SLC14A2: variants seen among roughly 807,000 people sequenced by gnomAD.
SLC14A2 encodes urea transporter 2.
Under a neutral mutation model 104.6 loss-of-function variants are expected in SLC14A2, and 91 were observed. That is an observed-to-expected ratio of 0.87 (90% CI 0.73 to 1.04). The LOEUF (loss-of-function observed/expected upper bound fraction) is 1.04. Ranked by LOEUF, SLC14A2 falls within the 50% of genes least tolerant of loss-of-function variation. The pLI is 0.00. For synonymous variants in SLC14A2, 476 were observed against 466.4 expected (o/e 1.02, Z -0.27); for missense variants, 1,189 against 1,156.0 (o/e 1.03, Z -0.41).
At chr18:45,179,938 G>A in the SLC14A2 span, 1 of 152,110 alleles carries the variant, frequency 6.6e-6, no homozygotes, top group African/African-American at 2.4e-5. Flanking sequence ...TTGAGCCCAG[G>A]AGTTCGAGGC....
chr18:45,266,281 T>C lies in SLC14A2; in HGVS notation c.-125+53090T>C, dbSNP rs566107500. Among the ~76,000 whole-genome samples, 124 of 152,284 alleles carry C rather than the reference T, an allele frequency of 8.1e-4. 1 individual carries two copies. The highest frequency in any genetic ancestry group is 3.4e-3 in the Middle Eastern group (1 of 294). On this transcript the variant is annotated intron_variant, in intron 1 of 20. Coordinates refer to the SLC14A2 transcript ENST00000586448. Reference sequence around the variant, plus strand: ...AGAGGAAGTGGGTATATTCCACCTGTGCTGGTGCATCTAATGACACTGAAT... The same window carrying C: ...AGAGGAAGTGGGTATATTCCACCTGCGCTGGTGCATCTAATGACACTGAAT...
At chr18:45,364,783 G>A (rs1275622094) in intron 1 of SLC14A2, among the ~76,000 whole-genome samples, 1 of 152,058 alleles carries the variant, frequency 6.6e-6, no homozygotes, top group Non-Finnish European at 1.5e-5. Context: ...ATATTGTCTC[G>A]AGTTTTTTCT....
At chr18:45,497,961 C>A (rs1795472835) in intron 2 of SLC14A2, among the ~76,000 whole-genome samples, 1 of 152,148 alleles carries the variant, frequency 6.6e-6, no homozygotes, top group Non-Finnish European at 1.5e-5. Flanking sequence ...AGGGGAAAGC[C>A]TTTAGACAAG....
rs2046327718 is a variant in SLC14A2, at chr18:45,682,596, T to C, written c.*77T>C. 2 of 1,207,280 alleles carry C rather than the reference T, an allele frequency of 1.7e-6. No homozygotes were observed. The highest frequency in any genetic ancestry group is 2.5e-6 in the Non-Finnish European group (2 of 812,100). The allele number at this position is 1,207,280 out of a possible 1,614,324, so 74.8% of individuals were successfully genotyped here. A position where few individuals can be genotyped will look rare whatever the true frequency, so the allele number is the denominator to read the frequency against. On this transcript the variant is annotated 3_prime_UTR_variant, in exon 20 of 20. Coordinates refer to ENST00000255226, the MANE Select transcript of SLC14A2 (RefSeq NM_007163.4). ...CAGATCCCCAGGATAAGAGACCACT[T>C]AGCCTTCCCTTTGGTCTGTTCTGTG...
chr18:45,529,820 G>C (rs1399929170), intron 2 of SLC14A2: 1 of 152,144 alleles, frequency 6.6e-6, no homozygotes, highest in African/African-American at 2.4e-5. Flanking sequence ...TCTTGTATGT[G>C]ACAGTTTAAA....
chr18:45,183,299 G>A, the SLC14A2 span, among the ~76,000 whole-genome samples: 1 of 152,122 alleles, frequency 6.6e-6, no homozygotes, highest in Non-Finnish European at 1.5e-5. Flanking sequence ...GGGGTAGGCC[G>A]CTCCCTCCTT....
intron 1 of SLC14A2, among the ~76,000 whole-genome samples, chr18:45,315,704 T>G (rs905442645): frequency 1.3e-5 from 2 of 152,146 alleles, no homozygotes; most frequent in African/African-American, 4.8e-5. Flanking sequence ...GGGAATGAGA[T>G]GAGATTCAAG....
At chr18:45,415,191 C>T (rs73433876) in intron 1 of SLC14A2, among the ~76,000 whole-genome samples, 203 of 152,114 alleles carry the variant, frequency 1.3e-3, no homozygotes, top group African/African-American at 4.6e-3. Context: ...TTGCTGGAAG[C>T]CCCCAAGTCT....
At chr18:45,551,766 G>A (rs748479061) in intron 2 of SLC14A2, among the ~76,000 whole-genome samples, 3 of 152,198 alleles carry the variant, frequency 2.0e-5, no homozygotes, top group Non-Finnish European at 4.4e-5. Context: ...GGCTACAAAT[G>A]TTGATACACT....
At chr18:45,369,605 G>T (rs1430372509) in intron 1 of SLC14A2, among the ~76,000 whole-genome samples, 1 of 152,152 alleles carries the variant, frequency 6.6e-6, no homozygotes, top group Non-Finnish European at 1.5e-5. Flanking sequence ...ATTCTATAGT[G>T]CTTTCATTTA....
intron 1 of SLC14A2, among the ~76,000 whole-genome samples, chr18:45,382,013 C>T (rs921345372): frequency 6.6e-6 from 1 of 152,168 alleles, no homozygotes; most frequent in Non-Finnish European, 1.5e-5. Flanking sequence ...AGCACCCTCC[C>T]CCTAACAGCT....
the SLC14A2 span, among the ~76,000 whole-genome samples, chr18:45,203,496 A>C: frequency 6.6e-6 from 1 of 152,106 alleles, no homozygotes; most frequent in East Asian, 1.9e-4. Context: ...GTTTCTTTTC[A>C]TCTCCCTTCC....
intron 2 of SLC14A2, among the ~76,000 whole-genome samples, chr18:45,513,532 T>G: frequency 1.3e-5 from 2 of 152,202 alleles, no homozygotes; most frequent in East Asian, 3.9e-4. Context: ...CTAAATTAGT[T>G]GAGGCCAATA....
Position 45,305,596 on chromosome 18 carries a change from C to T in SLC14A2, c.-125+92405C>T, listed in dbSNP as rs151162657. 4.5e-3 allele frequency among the ~76,000 whole-genome samples: 691 copies of T among 152,340 alleles called. 2 individuals carry two copies. The highest frequency in any genetic ancestry group is 6.6e-3 in the Non-Finnish European group (446 of 68,024). On this transcript the variant is annotated intron_variant, in intron 1 of 20. Coordinates refer to the SLC14A2 transcript ENST00000586448. ...AGGTCTCCCTGACCCACCACCCATT[C>T]CACTTCCACCCATCACGTGAACTCT...
At chr18:45,589,408 A>G (rs1392250297) in intron 2 of SLC14A2, among the ~76,000 whole-genome samples, 3 of 152,166 alleles carry the variant, frequency 2.0e-5, no homozygotes, top group African/African-American at 7.2e-5. Context: ...CTTTGTTTTC[A>G]ACATGGTGAG....
intron 1 of SLC14A2, among the ~76,000 whole-genome samples, chr18:45,426,564 G>GTA (rs1208447030): frequency 7.0e-6 from 1 of 143,574 alleles, no homozygotes; most frequent in Non-Finnish European, 1.5e-5. Flanking sequence ...GTGTGTGTGT[G>GTA]TATACACACA....
intron 1 of SLC14A2, among the ~76,000 whole-genome samples, chr18:45,243,816 A>G (rs1431605199): frequency 1.3e-5 from 2 of 152,150 alleles, no homozygotes; most frequent in Non-Finnish European, 2.9e-5. Flanking sequence ...ACGTTCATTA[A>G]TTGTCAGAAT....
At chr18:45,430,759 T>G (rs1372343454) in intron 1 of SLC14A2, among the ~76,000 whole-genome samples, 1 of 151,982 alleles carries the variant, frequency 6.6e-6, no homozygotes, top group Non-Finnish European at 1.5e-5. Context: ...TTTGTATTTT[T>G]AGTAGAGATG....
At chr18:45,262,533 C>A (rs2084550126) in intron 1 of SLC14A2, among the ~76,000 whole-genome samples, 1 of 152,142 alleles carries the variant, frequency 6.6e-6, no homozygotes, top group Admixed American at 6.6e-5. Context: ...GGGTAGGCCC[C>A]TATTAATTAA....
Sources: allele counts gnomAD v4.1 joint callset (sites outside exome capture counted in the v4.1 genomes callset), GRCh38; gene constraint gnomAD v4.1.1; transcripts MANE v1.5; gene names NCBI Gene and HGNC (gene_info 2026-07-23, HGNC 2026-07-21).